Variants in KLHL13 observed in about 807,000 individuals in gnomAD.
The protein encoded by KLHL13 is kelch-like protein 13.
KLHL13 carries 10 observed loss-of-function variants against 37.1 expected under a neutral mutation model. The ratio of observed to expected loss-of-function variants is 0.27; its 90% CI spans 0.17 to 0.46. The LOEUF (loss-of-function observed/expected upper bound fraction) is 0.46. KLHL13 is among the 20% of genes least tolerant of loss of function. The pLI, the probability that KLHL13 is intolerant of heterozygous loss-of-function variation, is 1.00. For synonymous variants in KLHL13, 163 were observed against 181.2 expected, an observed-to-expected ratio of 0.90 and a Z score of 0.81; for missense variants, 360 against 509.3, an observed-to-expected ratio of 0.71 and a Z score of 2.82.
chrX:118,018,628 C>G (rs191041898), intron 1 of KLHL13, among the ~76,000 whole-genome samples: 108 of 111,323 alleles, frequency 9.7e-4, no homozygotes, highest in Admixed American at 9.0e-3. Context: ...AGCATTCAGT[C>G]TTTTATCAAG....
At chrX:118,042,863 C>T (rs1342302094) in intron 1 of KLHL13, among the ~76,000 whole-genome samples, 1 of 107,464 alleles carries the variant, frequency 9.3e-6, no homozygotes, top group Non-Finnish European at 1.9e-5. Flanking sequence ...CAAACCCAAA[C>T]TTAGTAGAAG....
At chrX:118,089,588 A>AG (rs2055095058) in intron 1 of KLHL13, among the ~76,000 whole-genome samples, 3 of 80,148 alleles carry the variant, frequency 3.7e-5, no homozygotes, top group Non-Finnish European at 7.1e-5. Context: ...AAGAAAAGAA[A>AG]AGAGAGAGAG....
rs137907164 is a variant in KLHL13 at position 117,910,440 on chromosome X, G to T, written c.571-344C>A. On this transcript the variant is annotated intron_variant, in intron 4 of 6. Transcript: ENST00000262820. The stretch of plus-strand genomic sequence containing the variant: ...CCCCCAAAATACTGATAAAATTCCT[G>T]CCAGATGGAAACTTGGGAAAATAGA... Among the ~76,000 whole-genome samples the T allele has an allele frequency of 5.1e-3, 391 of 76,120 alleles. 3 individuals are homozygous for T. Among genetic ancestry groups the T allele is most frequent in the African/African-American group, 0.02 (357 of 18,183 alleles). 66.1% of individuals were successfully genotyped at this position (76,120 alleles called of 115,157 possible). A position where few individuals can be genotyped will look rare whatever the true frequency, so the allele number is the denominator to read the frequency against.
rs186175641 is a variant in KLHL13, at chrX:117,904,609, C to A, written c.1367-2663G>T. Among the ~76,000 whole-genome samples, 154 of 112,197 alleles carry A rather than the reference C, an allele frequency of 1.4e-3. 1 individual carries two copies. Among genetic ancestry groups the A allele is most frequent in the African/African-American group, 4.7e-3 (147 of 30,951 alleles). ...TATGAATGATTTTACATTTTTTACACATTGAAAAAGAATCAAGACTATTTT... is the reference window on the plus strand; with the variant it reads ...TATGAATGATTTTACATTTTTTACAAATTGAAAAAGAATCAAGACTATTTT... On this transcript the variant is annotated intron_variant, in intron 5 of 6. Coordinates refer to ENST00000262820, the Ensembl canonical transcript of KLHL13.
chrX:118,023,369 T>C (rs2054240926), intron 1 of KLHL13, among the ~76,000 whole-genome samples: 1 of 111,173 alleles, frequency 9.0e-6, no homozygotes, highest in Middle Eastern at 4.7e-3. Context: ...TTTTTTTTTA[T>C]ACTTTAAGTT....
exon 1 of KLHL13, chrX:117,973,107 T>G: frequency 1.0e-6 from 1 of 986,315 alleles, no homozygotes; most frequent in South Asian, 2.9e-5. Flanking sequence ...TTTTTAGGAC[T>G]GCACTGTGCA....
intron 2 of KLHL13, among the ~76,000 whole-genome samples, chrX:117,936,268 C>T (rs1169713819): frequency 1.8e-5 from 2 of 111,606 alleles, no homozygotes; most frequent in African/African-American, 6.5e-5. Context: ...GTCATTTGCC[C>T]TGCCAACTCA....
At chrX:118,113,994 A>AAAGAC (rs745309081) in intron 1 of KLHL13, among the ~76,000 whole-genome samples, 6 of 112,356 alleles carry the variant, frequency 5.3e-5, no homozygotes, top group Non-Finnish European at 9.4e-5. Flanking sequence ...CCATTTTTAT[A>AAAGAC]ATTTTGAGAT....
At chrX:117,968,983 T>G (rs2053480623) in intron 1 of KLHL13, among the ~76,000 whole-genome samples, 1 of 111,543 alleles carries the variant, frequency 9.0e-6, no homozygotes, top group African/African-American at 3.3e-5. Context: ...GAATGTTGTG[T>G]TTTTTGGCAT....
chrX:118,016,881 G>C (rs193000879), intron 1 of KLHL13, among the ~76,000 whole-genome samples: 227 of 111,799 alleles, frequency 2.0e-3, no homozygotes, highest in African/African-American at 7.0e-3. Context: ...CTTCTGCCTA[G>C]AGTGTGAAGA....
rs376795223 is a variant in KLHL13, at chrX:118,042,919, GA to G, written c.-56+73588del. On this transcript the variant is annotated intron_variant, in intron 1 of 6. Transcript: ENST00000371882. Reference sequence around the variant, plus strand: ...GAGCAGAAATAAATGACATTGAAATGAAAAAAAAAAATACAAAAGATCAACA... The same window carrying G: ...GAGCAGAAATAAATGACATTGAAATGAAAAAAAAAATACAAAAGATCAACA... 6.3e-3 allele frequency among the ~76,000 whole-genome samples: 615 copies of G among 98,277 alleles called. 6 individuals carry two copies. The highest frequency in any genetic ancestry group is 0.017 in the African/African-American group (460 of 27,140). 85.3% of individuals were successfully genotyped at this position (98,277 alleles called of 115,157 possible). A position where few individuals can be genotyped will look rare whatever the true frequency, so the allele number is the denominator to read the frequency against.
chrX:117,984,120 CAGA>C (rs1018757418), intron 1 of KLHL13, among the ~76,000 whole-genome samples: 21 of 111,350 alleles, frequency 1.9e-4, no homozygotes, highest in Non-Finnish European at 3.8e-4. Flanking sequence ...GTCTCCTAAC[CAGA>C]AGATTTGGTT....
chrX:118,023,864 CTA>C (rs1271545104), intron 1 of KLHL13, among the ~76,000 whole-genome samples: 2 of 111,856 alleles, frequency 1.8e-5, no homozygotes, highest in Non-Finnish European at 3.8e-5. Flanking sequence ...GAGCCTTTTC[CTA>C]TGTTTTACTG....
intron 1 of KLHL13, among the ~76,000 whole-genome samples, chrX:117,979,790 T>C (rs1231984818): frequency 9.4e-6 from 1 of 105,904 alleles, no homozygotes; most frequent in Admixed American, 1.0e-4. Flanking sequence ...TCATCCAGAA[T>C]ATATATATAC....
chrX:118,115,349 G>A (rs2055456634), intron 1 of KLHL13, among the ~76,000 whole-genome samples: 1 of 112,461 alleles, frequency 8.9e-6, no homozygotes, highest in African/African-American at 3.2e-5. Context: ...CCTCAGTATG[G>A]GAGCTAACAC....
intron 1 of KLHL13, among the ~76,000 whole-genome samples, chrX:118,086,779 T>C (rs977836212): frequency 2.7e-5 from 3 of 111,167 alleles, no homozygotes; most frequent in Non-Finnish European, 3.8e-5. Flanking sequence ...ATACTTTGGG[T>C]TTCTGTAAAT....
chrX:117,968,785 A>G (rs1308468793), intron 1 of KLHL13, among the ~76,000 whole-genome samples: 1 of 111,653 alleles, frequency 9.0e-6, no homozygotes, highest in Non-Finnish European at 1.9e-5. Flanking sequence ...TCTTTTATTT[A>G]CTAAATTAGA....
At chrX:118,092,624 A>C (rs183088378) in intron 1 of KLHL13, among the ~76,000 whole-genome samples, 2 of 112,119 alleles carry the variant, frequency 1.8e-5, no homozygotes, top group African/African-American at 6.5e-5. Context: ...AGAACATGGT[A>C]AGCAAAATAT....
intron 1 of KLHL13, among the ~76,000 whole-genome samples, chrX:118,069,283 G>A (rs944953584): frequency 9.1e-6 from 1 of 110,028 alleles, no homozygotes; most frequent in Non-Finnish European, 1.9e-5. Context: ...CTCCATGCAC[G>A]TTATTGCCCT....
Sources: gnomAD v4.1 joint callset for allele counts (sites outside exome capture counted in the v4.1 genomes callset) on GRCh38, gnomAD v4.1.1 for gene constraint, MANE v1.5 for transcripts, NCBI Gene and HGNC (gene_info 2026-07-23, HGNC 2026-07-21) for gene names.